FAT4: variants seen among roughly 807,000 people sequenced by gnomAD.
FAT4 encodes FAT atypical cadherin 4.
FAT4 carries 84 observed loss-of-function variants against 303.9 expected under a neutral mutation model. The ratio of observed to expected loss-of-function variants is 0.28; its 90% confidence interval spans 0.23 to 0.33. The LOEUF (loss-of-function observed/expected upper bound fraction) is 0.33. FAT4 is among the 10% of genes least tolerant of loss of function. The pLI, the probability that FAT4 is intolerant of heterozygous loss-of-function variation, is 1.00. For missense variants in FAT4, 6,005 were observed against 6,146.8 expected, an observed-to-expected ratio of 0.98 and a Z score of 0.77; for synonymous variants, 2,307 against 2,298.8, an observed-to-expected ratio of 1.00 and a Z score of -0.10.
intron 2 of FAT4, among the ~76,000 whole-genome samples, chr4:125,340,803 A>G (rs1731763063): frequency 6.6e-6 from 1 of 152,160 alleles, no homozygotes; most frequent in Non-Finnish European, 1.5e-5. Context: ...CAGTAGTAGT[A>G]GTAGGATAAT....
In FAT4 at chr4:125,416,575, G is replaced by A. The variant is rs200719060; in HGVS notation, c.6971G>A (p.Arg2324Gln). ...GELGVTQSLD[R>Q]ETKERFVLMI... is the part of the protein sequence containing the mutation. ...CTTGGAGTAACACAGAGTCTGGATC[G>A]GGAAACAAAAGAGCGCTTTGTCTTA... Residue 2324 changes from arginine to glutamine, a missense_variant, in exon 7 of 18, where the codon CGG becomes CAG. Transcript: ENST00000394329. 3.5e-5 allele frequency: 57 copies of A among 1,613,890 alleles called. No individual in the cohort carries two copies. Among genetic ancestry groups the A allele is most frequent in the African/African-American group, 6.7e-5 (5 of 74,986 alleles).
chr4:125,449,501 A>C lies in FAT4; in HGVS notation c.8491A>C (p.Ile2831Leu), dbSNP rs1403890049. Residue 2831 changes from isoleucine (I) to leucine (L), a missense_variant, in exon 10 of 18, where the codon ATA (isoleucine) becomes CTA (leucine). Ile to Leu is a conservative substitution (Grantham distance 5). Transcript: ENST00000394329. ...TINPSTGDIV[I>L]SRPLNREDTD... ...TAATCCCAGCACAGGGGATATTGTC[A>C]TAAGCAGACCTTTAAATAGGGAAGA... is the stretch of plus-strand genomic sequence containing the variant. 1 of 1,613,866 alleles carries C rather than the reference A, an allele frequency of 6.2e-7. No individual in the cohort carries two copies. The highest frequency in any genetic ancestry group is 1.7e-5 in the Admixed American group (1 of 59,970).
chr4:125,423,324 C>A (rs1578626638), intron 7 of FAT4, among the ~76,000 whole-genome samples: 1 of 150,790 alleles, frequency 6.6e-6, no homozygotes, highest in East Asian at 2.0e-4. Context: ...TTGGGTGGGC[C>A]CAGGGCACCC....
intron 2 of FAT4, among the ~76,000 whole-genome samples, chr4:125,394,357 G>A (rs1560795932): frequency 6.6e-6 from 1 of 152,128 alleles, no homozygotes; most frequent in Non-Finnish European, 1.5e-5. Context: ...TTTACCTCCA[G>A]TCTAAACAAA....
At position 125,321,065 on chromosome 4, in the gene FAT4, G is replaced by T; in HGVS notation, c.4654G>T (p.Ala1552Ser). 4 of 1,614,156 alleles carry T rather than the reference G, an allele frequency of 2.5e-6. No individual in the cohort carries two copies. In the South Asian group the frequency reaches 3.3e-5, roughly 13 times the overall value. The change falls in exon 2 of 18, where the codon GCT becomes TCT. Residue 1552 changes from alanine (A) to serine (S), a missense_variant. Transcript: ENST00000394329. ...VIGSVLTTIM[A>S]ADPDEGANGE... ...TGGTTCCGTTCTGACAACAATTATG[G>T]CTGCTGACCCAGATGAAGGTGCTAA...
At chr4:125,407,873 A>C (rs574594842) in intron 4 of FAT4, among the ~76,000 whole-genome samples, 1 of 152,124 alleles carries the variant, frequency 6.6e-6, no homozygotes, top group Non-Finnish European at 1.5e-5. Flanking sequence ...ATGATTATTC[A>C]TGATAAGCCA....
chr4:125,365,944 G>A (rs762458882), intron 2 of FAT4, among the ~76,000 whole-genome samples: 3 of 152,026 alleles, frequency 2.0e-5, no homozygotes, highest in African/African-American at 7.2e-5. Context: ...GCAGGCTAAC[G>A]AGCATTACCA....
chr4:125,447,447 G>A (rs1209639036), intron 9 of FAT4, among the ~76,000 whole-genome samples: 2 of 152,050 alleles, frequency 1.3e-5, no homozygotes, highest in Non-Finnish European at 2.9e-5. Context: ...CAAAGGAAAT[G>A]TCAGTATCAA....
intron 2 of FAT4, among the ~76,000 whole-genome samples, chr4:125,354,534 G>A (rs1406843677): frequency 6.6e-6 from 1 of 151,712 alleles, no homozygotes; most frequent in Non-Finnish European, 1.5e-5. Flanking sequence ...TAAGAAAAGA[G>A]AGTCCCAGGC....
intron 11 of FAT4, among the ~76,000 whole-genome samples, chr4:125,467,136 G>A (rs1274481020): frequency 2.2e-5 from 3 of 135,860 alleles, no homozygotes; most frequent in African/African-American, 7.8e-5. Context: ...GGACAGAAAA[G>A]GAAAAGATAA....
intron 7 of FAT4, among the ~76,000 whole-genome samples, chr4:125,426,413 C>T (rs1373911385): frequency 1.3e-5 from 2 of 152,038 alleles, no homozygotes; most frequent in African/African-American, 4.8e-5. Context: ...TTTTGAGTCT[C>T]GGGCAGCTTT....
At chr4:125,380,811 C>T (rs1255299552) in intron 2 of FAT4, among the ~76,000 whole-genome samples, 1 of 152,158 alleles carries the variant, frequency 6.6e-6, no homozygotes, top group African/African-American at 2.4e-5. Flanking sequence ...TTCATAAATA[C>T]TCTTTGCTGA....
At chr4:125,477,404 A>G (rs1376607474) in intron 14 of FAT4, 70 bp downstream of exon 14, 2 of 1,309,512 alleles carry the variant, frequency 1.5e-6, no homozygotes, top group Admixed American at 2.2e-5. Flanking sequence ...GTGAGCATCA[A>G]AAGATGAAAT....
In FAT4 at chr4:125,408,837, T is replaced by C. The variant is rs370530808; in HGVS notation, c.5920+43T>C. 37 of 1,016,886 alleles carry C rather than the reference T, an allele frequency of 3.6e-5. No individual in the cohort carries two copies. In the African/African-American group the frequency reaches 4.5e-4, roughly 12 times the overall value. The allele number at this position is 1,016,886 out of a possible 1,614,324, so 63.0% of individuals were successfully genotyped here. Reference sequence around the variant, plus strand: ...TATAATTTTTAAAACATCTATAAACTGTCATCAGATTTATATTACATTTAT... The same window carrying C: ...TATAATTTTTAAAACATCTATAAACCGTCATCAGATTTATATTACATTTAT... On this transcript the variant is annotated intron_variant, in intron 5 of 17. Coordinates refer to ENST00000394329, the MANE Select transcript of FAT4 (RefSeq NM_001291303.3).
chr4:125,483,441 G>A (rs939366223), intron 16 of FAT4, among the ~76,000 whole-genome samples: 4 of 151,916 alleles, frequency 2.6e-5, no homozygotes, highest in African/African-American at 9.7e-5. Flanking sequence ...CTGTACTAAC[G>A]TACACTTAAA....
chr4:125,453,408 T>A (rs1488587884), intron 10 of FAT4, among the ~76,000 whole-genome samples: 1 of 152,126 alleles, frequency 6.6e-6, no homozygotes, highest in African/African-American at 2.4e-5. Flanking sequence ...CAGATTTAGA[T>A]TAAAATGATG....
At chr4:125,464,035 G>T (rs1238232804) in intron 11 of FAT4, among the ~76,000 whole-genome samples, 3 of 151,912 alleles carry the variant, frequency 2.0e-5, no homozygotes, top group Non-Finnish European at 4.4e-5. Flanking sequence ...GTCAAAGTAA[G>T]GTTTTTTGTT....
chr4:125,387,896 G>A (rs1252717340), intron 2 of FAT4, among the ~76,000 whole-genome samples: 1 of 152,104 alleles, frequency 6.6e-6, no homozygotes, highest in Non-Finnish European at 1.5e-5. Context: ...CCAGAATAAT[G>A]TTGCATAATA....
intron 2 of FAT4, among the ~76,000 whole-genome samples, chr4:125,352,606 C>T (rs935829149): frequency 2.6e-5 from 4 of 151,644 alleles, no homozygotes; most frequent in African/African-American, 9.7e-5. Flanking sequence ...TCAGTGTTTT[C>T]TGCACTTCAT....
Sources: allele counts gnomAD v4.1 joint callset (sites outside exome capture counted in the v4.1 genomes callset), GRCh38; gene constraint gnomAD v4.1.1; transcripts MANE v1.5; gene names NCBI Gene and HGNC (gene_info 2026-07-23, HGNC 2026-07-21).